Variants in PKDREJ observed in about 807,000 individuals in gnomAD.
The protein encoded by PKDREJ is PKD and REJ homolog.
For missense variants in PKDREJ, 2,507 were observed against 2,807.2 expected, an observed-to-expected ratio of 0.89 and a Z score of 2.42; for synonymous variants, 1,031 against 1,095.5, an observed-to-expected ratio of 0.94 and a Z score of 1.16.
In PKDREJ at chr22:46,256,766, G is replaced by C; in HGVS notation, c.6557C>G (p.Pro2186Arg). ...EEMKQPVYEE[P>R]SDEVEAMTYL... ...GGTCATTGCTTCCACTTCATCCGATGGCTCCTCATACACGGGCTGCTTCAT... is the reference window on the plus strand; with the variant it reads ...GGTCATTGCTTCCACTTCATCCGATCGCTCCTCATACACGGGCTGCTTCAT... The change falls in exon 1 of 1, where the codon CCA becomes CGA. Residue 2186 changes from proline to arginine, a missense_variant. Pro to Arg is a moderately radical substitution (Grantham distance 103, BLOSUM62 -2). Coordinates refer to ENST00000253255, the MANE Select transcript of PKDREJ (RefSeq NM_006071.2). The surrounding 1 kb of genome is among the most constrained non-coding windows in gnomAD (Gnocchi z 5.3). 2 of 1,614,036 alleles carry C rather than the reference G, an allele frequency of 1.2e-6. No homozygotes were observed. Among genetic ancestry groups the C allele is most frequent in the Non-Finnish European group, 1.7e-6 (2 of 1,180,034 alleles).
In PKDREJ at chr22:46,262,091, G is replaced by A. The variant is rs548650819; in HGVS notation, c.1232C>T (p.Ala411Val). The A allele has an allele frequency of 2.3e-3, 3,641 of 1,614,120 alleles. 87 individuals are homozygous for A. The South Asian group carries it at 0.038, about 17-fold the overall frequency. The change falls in exon 1 of 1, where the codon GCC (alanine) becomes GTC (valine). Residue 411 changes from alanine to valine, a missense_variant. By Grantham distance (64) the Ala-to-Val change is moderately conservative. Coordinates refer to ENST00000253255, the MANE Select transcript of PKDREJ (RefSeq NM_006071.2). The surrounding 1 kb of genome is among the most constrained non-coding windows in gnomAD (Gnocchi z 8.1). Reference sequence around the variant, plus strand: ...CAAAAGTGTCAGTACAGGGCCCGAGGCCCAGGGCCATTTCAGATTGGCCTG... The same window carrying A: ...CAAAAGTGTCAGTACAGGGCCCGAGACCCAGGGCCATTTCAGATTGGCCTG... ...PEQANLKWPWASGPVLTLLPE... is the reference protein window; with the variant it reads ...PEQANLKWPWVSGPVLTLLPE...
At position 46,260,660 on chromosome 22, in the gene PKDREJ, GT is replaced by G; in HGVS notation, c.2662del (p.Thr888HisfsTer4). ...EKHCRNCFYP[T>X]LNVSSVPGLS... ...ACCAGGAACACTGCTCACATTGAGT[GT>G]TGGATAAAAACAATTTCTGCAGTGT... On this transcript the variant is annotated frameshift_variant, in exon 1 of 1. Coordinates refer to ENST00000253255, the MANE Select transcript of PKDREJ (RefSeq NM_006071.2). LOFTEE classifies it low-confidence loss of function (END_TRUNC). The surrounding 1 kb of genome is among the most constrained non-coding windows in gnomAD (Gnocchi z 4.5). The G allele has an allele frequency of 6.2e-7, 1 of 1,614,140 alleles. No homozygotes were observed. The highest frequency in any genetic ancestry group is 8.5e-7 in the Non-Finnish European group (1 of 1,179,972).
rs754117255 is a variant in PKDREJ at position 46,259,415 on chromosome 22, T to C, written c.3908A>G (p.Glu1303Gly). Residue 1303 changes from glutamate (E) to glycine (G), a missense_variant, in exon 1 of 1, where the codon GAG becomes GGG. By Grantham distance (98) the Glu-to-Gly change is moderately conservative. Coordinates refer to ENST00000253255, the MANE Select transcript of PKDREJ (RefSeq NM_006071.2). This position sits in a 1 kb window ranked among gnomAD's most constrained non-coding sequence, Gnocchi z 6.8. ...TAAATACCAGCTAGGCGATCGACCC[T>C]CGTTGTTGTGCCACACACGGATGGA... is the stretch of plus-strand genomic sequence containing the variant. ...IHSIRVWHNN[E>G]GRSPSWYLSR... is the part of the protein sequence containing the mutation. 1 of 1,614,216 alleles carries C rather than the reference T, an allele frequency of 6.2e-7. No individual in the cohort carries two copies. Among genetic ancestry groups the C allele is most frequent in the South Asian group, 1.1e-5 (1 of 91,088 alleles).
chr22:46,259,114 A>G lies in PKDREJ; in HGVS notation c.4209T>C (p.Cys1403=). 6.2e-7 allele frequency: 1 copy of G among 1,613,810 alleles called. No homozygotes were observed. The highest frequency in any genetic ancestry group is 1.1e-5 in the South Asian group (1 of 91,034). The change falls in exon 1 of 1, where the codon TGT becomes TGC. Residue 1403 remains cysteine (C), a synonymous_variant. Transcript: ENST00000253255. This position sits in a 1 kb window ranked among gnomAD's most constrained non-coding sequence, Gnocchi z 6.8. The stretch of plus-strand genomic sequence containing the variant: ...TATTTAGATTAAAGAACATAATGTT[A>G]CAAAGAAGAGAGCTAAGCAACATTG... ...CLAMLLSSLL[C]NIMFFNLNRQ...
In PKDREJ at chr22:46,263,160, C is replaced by G; in HGVS notation, c.163G>C (p.Ala55Pro). The change falls in exon 1 of 1, where the codon GCC (alanine) becomes CCC (proline). Residue 55 changes from alanine (A) to proline (P), a missense_variant. Coordinates refer to ENST00000253255, the MANE Select transcript of PKDREJ (RefSeq NM_006071.2). This position sits in a 1 kb window ranked among gnomAD's most constrained non-coding sequence, Gnocchi z 9.4. ...APGLGVRGGR[A>P]LLSLRPSAVR... ...GCGCTGGGCCGCAGACTGAGGAGGG[C>G]GCGGCCGCCGCGCACCCCGAGGCCC... is the stretch of plus-strand genomic sequence containing the variant. 1 of 1,245,626 alleles carries G rather than the reference C, an allele frequency of 8.0e-7. No homozygotes were observed. The highest frequency in any genetic ancestry group is 1.0e-6 in the Non-Finnish European group (1 of 998,158). 77.2% of individuals were successfully genotyped at this position (1,245,626 alleles called of 1,614,324 possible).
At position 46,257,542 on chromosome 22, in the gene PKDREJ, C is replaced by G. The variant is rs139214616; in HGVS notation, c.5781G>C (p.Leu1927=). ...ELTTFNPDIN[L]FCSISVIFEV... ...CAAATATGACCGAAATGCTACAGAACAGATTTATATCTGGATTAAAAGTTG... is the reference window on the plus strand; with the variant it reads ...CAAATATGACCGAAATGCTACAGAAGAGATTTATATCTGGATTAAAAGTTG... Residue 1927 remains leucine, a synonymous_variant, in exon 1 of 1, where the codon CTG becomes CTC. Coordinates refer to ENST00000253255, the MANE Select transcript of PKDREJ (RefSeq NM_006071.2). The surrounding 1 kb of genome is among the most constrained non-coding windows in gnomAD (Gnocchi z 4.7). 3 of 1,614,030 alleles carry G rather than the reference C, an allele frequency of 1.9e-6. No individual in the cohort carries two copies. In the African/African-American group the frequency reaches 4.0e-5, roughly 22 times the overall value.
chr22:46,261,451 C>G lies in PKDREJ; in HGVS notation c.1872G>C (p.Gly624=). 6.2e-7 allele frequency: 1 copy of G among 1,614,088 alleles called. No homozygotes were observed. Among genetic ancestry groups the G allele is most frequent in the Non-Finnish European group, 8.5e-7 (1 of 1,180,000 alleles). The part of the protein sequence containing the change: ...ENTLGTILYL[G]PQSTVPPSFL... ...AGGAAGGGGGTACTGTGGACTGAGG[C>G]CCCAAGTACAGGATGGTCCCCAGGG... The change falls in exon 1 of 1, where the codon GGG becomes GGC. Residue 624 remains glycine, a synonymous_variant. Transcript: ENST00000253255. This position sits in a 1 kb window ranked among gnomAD's most constrained non-coding sequence, Gnocchi z 7.1.
Position 46,263,059 on chromosome 22 carries a change from C to G in PKDREJ, c.264G>C (p.Trp88Cys). The G allele has an allele frequency of 7.5e-7, 1 of 1,335,012 alleles. No homozygotes were observed. The highest frequency in any genetic ancestry group is 9.7e-7 in the Non-Finnish European group (1 of 1,032,258). The allele number at this position is 1,335,012 out of a possible 1,614,324, so 82.7% of individuals were successfully genotyped here. A position where few individuals can be genotyped will look rare whatever the true frequency, so the allele number is the denominator to read the frequency against. The stretch of plus-strand genomic sequence containing the variant: ...GCAGGACGCGCAAGTCGAGGCAGTA[C>G]CAGCGCCGCCCGGTCCCGCCATGGG... The part of the protein sequence containing the change: ...CFPHGGTGRR[W>C]YCLDLRVLLS... The change falls in exon 1 of 1, where the codon TGG (tryptophan) becomes TGC (cysteine). Residue 88 changes from tryptophan to cysteine, a missense_variant. By Grantham distance (215) the Trp-to-Cys change is radical. Transcript: ENST00000253255. This position sits in a 1 kb window ranked among gnomAD's most constrained non-coding sequence, Gnocchi z 9.4.
Position 46,262,649 on chromosome 22 carries a change from TC to T in PKDREJ, c.673del (p.Asp225ThrfsTer9), listed in dbSNP as rs1351597279. On this transcript the variant is annotated frameshift_variant, in exon 1 of 1. Transcript: ENST00000253255. LOFTEE classifies it low-confidence loss of function (END_TRUNC). The surrounding 1 kb of genome is among the most constrained non-coding windows in gnomAD (Gnocchi z 8.1). ...CAGGCGCACGGGGGCGCCCTTCTGG[TC>T]CGTGTTGATCCTCACGCGCTGGATG... ...CVIQRVRINTDQKGAPVRLSM... is the reference protein window; with the variant it reads ...CVIQRVRINTXQKGAPVRLSM... The T allele has an allele frequency of 1.9e-6, 3 of 1,612,900 alleles. No individual in the cohort carries two copies. The highest frequency in any genetic ancestry group is 2.5e-6 in the Non-Finnish European group (3 of 1,179,708).
Position 46,256,657 on chromosome 22 carries a change from G to A in PKDREJ, c.6666C>T (p.Asp2222=). ...KAKDEPEFFI[D]MLYGQPEKNS... ...TCTTCTCTGGCTGCCCATACAGCAT[G>A]TCAATAAAGAACTCAGGCTCATCTT... is the stretch of plus-strand genomic sequence containing the variant. The change falls in exon 1 of 1, where the codon GAC becomes GAT. Residue 2222 remains aspartate (D), a synonymous_variant. Transcript: ENST00000253255. This position sits in a 1 kb window ranked among gnomAD's most constrained non-coding sequence, Gnocchi z 5.3. 1 of 1,614,216 alleles carries A rather than the reference G, an allele frequency of 6.2e-7. No homozygotes were observed. Among genetic ancestry groups the A allele is most frequent in the South Asian group, 1.1e-5 (1 of 91,088 alleles).
Position 46,261,476 on chromosome 22 carries a change from G to GTGT in PKDREJ, c.1844_1846dup (p.Asn615dup), listed in dbSNP as rs1601856022. 1 of 1,614,090 alleles carries GTGT rather than the reference G, an allele frequency of 6.2e-7. No individual in the cohort carries two copies. Among genetic ancestry groups the GTGT allele is most frequent in the Non-Finnish European group, 8.5e-7 (1 of 1,179,980 alleles). On this transcript the variant is annotated inframe_insertion, in exon 1 of 1. Transcript: ENST00000253255. This position sits in a 1 kb window ranked among gnomAD's most constrained non-coding sequence, Gnocchi z 7.1. ...CCCCAAGTACAGGATGGTCCCCAGG[G>GTGT]TGTTCTCTTTTACTGAACTGATTTC...
At position 46,255,912 on chromosome 22, in the gene PKDREJ, T is replaced by C. The variant is rs1936627007; in HGVS notation, c.*649A>G. ...GAACCCATATGTACCTTTTTGTTGT[T>C]TAACAAAACATGTCTCTTGGTCAGA... On this transcript the variant is annotated 3_prime_UTR_variant, in exon 1 of 1. Coordinates refer to ENST00000253255, the MANE Select transcript of PKDREJ (RefSeq NM_006071.2). 1 of 152,402 alleles carries C rather than the reference T, an allele frequency of 6.6e-6. No homozygotes were observed. Among genetic ancestry groups the C allele is most frequent in the Admixed American group, 6.5e-5 (1 of 15,300 alleles). The allele number at this position is 152,402 out of a possible 1,614,324, so 9.4% of individuals were successfully genotyped here.
In PKDREJ at chr22:46,260,562, G is replaced by T. The variant is rs1014781566; in HGVS notation, c.2761C>A (p.Gln921Lys). Residue 921 changes from glutamine to lysine, a missense_variant, in exon 1 of 1, where the codon CAG becomes AAG. By Grantham distance (53) the Gln-to-Lys change is moderately conservative. Coordinates refer to ENST00000253255, the MANE Select transcript of PKDREJ (RefSeq NM_006071.2). The surrounding 1 kb of genome is among the most constrained non-coding windows in gnomAD (Gnocchi z 4.5). The part of the protein sequence containing the change: ...TNDLFPWLND[Q>K]ENTSVEVSGF... ...GACACCTCCACCGAAGTGTTTTCCT[G>T]ATCATTTAACCAAGGAAAGAGGTCA... 9 of 1,613,984 alleles carry T rather than the reference G, an allele frequency of 5.6e-6. No homozygotes were observed. The highest frequency in any genetic ancestry group is 7.6e-6 in the Non-Finnish European group (9 of 1,180,026).
chr22:46,263,308 G>A lies in PKDREJ; in HGVS notation c.15C>T (p.Pro5=). 2.1e-6 allele frequency: 3 copies of A among 1,441,972 alleles called. No individual in the cohort carries two copies. The highest frequency in any genetic ancestry group is 2.7e-6 in the Non-Finnish European group (3 of 1,106,564). The allele number at this position is 1,441,972 out of a possible 1,614,324, so 89.3% of individuals were successfully genotyped here. A position where few individuals can be genotyped will look rare whatever the true frequency, so the allele number is the denominator to read the frequency against. The stretch of plus-strand genomic sequence containing the variant: ...GGCCCACGCCCAGAAGGAGGAGAGC[G>A]GGCCCAGGCCTCATGGCGCCGGCCC... MRPG[P]ALLLLGVGLS... The change falls in exon 1 of 1, where the codon CCC becomes CCT. Residue 5 remains proline (P), a synonymous_variant. Coordinates refer to ENST00000253255, the MANE Select transcript of PKDREJ (RefSeq NM_006071.2). The surrounding 1 kb of genome is among the most constrained non-coding windows in gnomAD (Gnocchi z 9.4).
rs1442570872 is a variant in PKDREJ at position 46,258,294 on chromosome 22, T to C, written c.5029A>G (p.Ile1677Val). 6.2e-7 allele frequency: 1 copy of C among 1,614,126 alleles called. No individual in the cohort carries two copies. Among genetic ancestry groups the C allele is most frequent in the Non-Finnish European group, 8.5e-7 (1 of 1,180,056 alleles). Residue 1677 changes from isoleucine (I) to valine (V), a missense_variant, in exon 1 of 1, where the codon ATC becomes GTC. By Grantham distance (29) the Ile-to-Val change is conservative. Transcript: ENST00000253255. This position sits in a 1 kb window ranked among gnomAD's most constrained non-coding sequence, Gnocchi z 6.1. The stretch of plus-strand genomic sequence containing the variant: ...ATCCTCGTGCCTCGGATTCGGACGA[T>C]CTGGTCATGTATCCTCTGCATTTCT... ...PEEMQRIHDQ[I>V]VRIRGTRMYQ...
At position 46,256,610 on chromosome 22, in the gene PKDREJ, A is replaced by G; in HGVS notation, c.6713T>C (p.Leu2238Pro). Residue 2238 changes from leucine (L) to proline (P), a missense_variant, in exon 1 of 1, where the codon CTG becomes CCG. Coordinates refer to ENST00000253255, the MANE Select transcript of PKDREJ (RefSeq NM_006071.2). The surrounding 1 kb of genome is among the most constrained non-coding windows in gnomAD (Gnocchi z 5.3). ...CTTCCCGTTGATGTTTCTGGTCTTC[A>G]GCCCCAGATAACGGTGGCTGTTCTT... Reference protein sequence around the residue: ...PEKNSHRYLGLKTRNINGKKM... With the variant: ...PEKNSHRYLGPKTRNINGKKM... 6.2e-7 allele frequency: 1 copy of G among 1,614,122 alleles called. No individual in the cohort carries two copies. Among genetic ancestry groups the G allele is most frequent in the Non-Finnish European group, 8.5e-7 (1 of 1,180,018 alleles).
Position 46,261,372 on chromosome 22 carries a change from C to T in PKDREJ, c.1951G>A (p.Val651Ile), listed in dbSNP as rs1936694832. The T allele has an allele frequency of 3.7e-6, 6 of 1,613,860 alleles. 1 individual carries two copies. The highest frequency in any genetic ancestry group is 3.3e-5 in the South Asian group (3 of 91,072). The change falls in exon 1 of 1, where the codon GTC (valine) becomes ATC (isoleucine). Residue 651 changes from valine to isoleucine, a missense_variant. Val to Ile is a conservative substitution (Grantham distance 29). Transcript: ENST00000253255. This position sits in a 1 kb window ranked among gnomAD's most constrained non-coding sequence, Gnocchi z 7.1. ...GAAAAAGCTCCTAGAGAATCATAGA[C>T]CTGGGCATATATCTTCAAGCCATAT... ...SQYGLKIYAQ[V>I]YDSLGAFSQV...
rs184934314 is a variant in PKDREJ at position 46,258,866 on chromosome 22, G to C, written c.4457C>G (p.Ala1486Gly). The C allele has an allele frequency of 3.1e-6, 5 of 1,614,018 alleles. No homozygotes were observed. In the African/African-American group the frequency reaches 6.7e-5, roughly 22 times the overall value. ...GGGGTGCACCTTAGCAGTTTCGTAA[G>C]CATGCCACTTTCTCAAGTATTCTTC... ...HWEEYLRKWH[A>G]YETAKVHPRE... Residue 1486 changes from alanine to glycine, a missense_variant, in exon 1 of 1, where the codon GCT (alanine) becomes GGT (glycine). Coordinates refer to ENST00000253255, the MANE Select transcript of PKDREJ (RefSeq NM_006071.2). This position sits in a 1 kb window ranked among gnomAD's most constrained non-coding sequence, Gnocchi z 6.1.
rs1488978312 is a variant in PKDREJ, at chr22:46,260,879, G to C, written c.2444C>G (p.Ser815Cys). Residue 815 changes from serine to cysteine, a missense_variant, in exon 1 of 1, where the codon TCT (serine) becomes TGT (cysteine). Physicochemically the swap from Ser to Cys is moderately radical, Grantham distance 112 (BLOSUM62 -1). Transcript: ENST00000253255. The surrounding 1 kb of genome is among the most constrained non-coding windows in gnomAD (Gnocchi z 4.5). ...AGGAGAAGTCATTTTAAGAATATTA[G>C]ACAAACTCATTAGTATTCCAGTACT... ...IVSTGILMSLSNILKMTSPHQ... is the reference protein window; with the variant it reads ...IVSTGILMSLCNILKMTSPHQ... 3 of 1,613,550 alleles carry C rather than the reference G, an allele frequency of 1.9e-6. No individual in the cohort carries two copies. The highest frequency in any genetic ancestry group is 1.7e-5 in the Admixed American group (1 of 60,026).
Sources: gnomAD v4.1 joint callset for allele counts on GRCh38, gnomAD v4.1.1 for gene constraint, Gnocchi (gnomAD v3.1) non-coding constraint, MANE v1.5 for transcripts, NCBI Gene and HGNC (gene_info 2026-07-23, HGNC 2026-07-21) for gene names.